CLCA1: variants seen among roughly 807,000 people sequenced by gnomAD.
CLCA1 encodes calcium-activated chloride channel regulator 1.
In CLCA1, 59 loss-of-function variants were observed where a neutral mutation model predicts 85.6. The ratio of observed to expected loss-of-function variants is 0.69; its 90% CI spans 0.56 to 0.86. The LOEUF (loss-of-function observed/expected upper bound fraction) is 0.86. Ranked by LOEUF, CLCA1 falls within the 40% of genes least tolerant of loss-of-function variation. CLCA1 has a pLI of 0.00. For synonymous variants in CLCA1, 396 were observed against 398.3 expected, an observed-to-expected ratio of 0.99 and a Z score of 0.07; for missense variants, 1,022 against 1,101.4, an observed-to-expected ratio of 0.93 and a Z score of 1.02.
rs558058956 is a variant in CLCA1 at position 86,488,160 on chromosome 1, A to G, written c.1183-836A>G. Among the ~76,000 whole-genome samples, 147 of 152,320 alleles carry G rather than the reference A, an allele frequency of 9.7e-4. 2 individuals are homozygous for G. The highest frequency in any genetic ancestry group is 3.4e-3 in the African/African-American group (141 of 41,576). ...TTCTGAGATTCTAGGCCTTTGGAAGATGCCTTCTTATCTGAGATTCTAGGC... is the reference window on the plus strand; with the variant it reads ...TTCTGAGATTCTAGGCCTTTGGAAGGTGCCTTCTTATCTGAGATTCTAGGC... On this transcript the variant is annotated intron_variant, in intron 7 of 13. Coordinates refer to ENST00000394711, the MANE Select transcript of CLCA1 (RefSeq NM_001285.4).
chr1:86,491,409 A>G (rs1648131005), intron 9 of CLCA1, 38 bp downstream of exon 9: 1 of 1,380,816 alleles, frequency 7.2e-7, no homozygotes, highest in South Asian at 1.2e-5. Context: ...ATATTTACAC[A>G]TAATCATAGC....
At chr1:86,493,953 G>C (rs2101746451) in intron 10 of CLCA1, among the ~76,000 whole-genome samples, 1 of 152,162 alleles carries the variant, frequency 6.6e-6, no homozygotes, top group South Asian at 2.1e-4. Flanking sequence ...ATAGCTTTCA[G>C]ACCTCACCAT....
chr1:86,487,228 T>C (rs5744371), intron 7 of CLCA1, among the ~76,000 whole-genome samples: 5,290 of 152,206 alleles, frequency 0.035, 297 homozygotes, highest in African/African-American at 0.12. Flanking sequence ...CGTGCATCTG[T>C]GTTTTATTAC....
rs766124081 is a variant in CLCA1, at chr1:86,482,358, A to G, written c.711A>G (p.Ile237Met). 12 of 1,613,900 alleles carry G rather than the reference A, an allele frequency of 7.4e-6. No individual in the cohort carries two copies. The highest frequency in any genetic ancestry group is 9.3e-6 in the Non-Finnish European group (11 of 1,179,946). The change falls in exon 5 of 14, where the codon ATA becomes ATG. Residue 237 changes from isoleucine to methionine, a missense_variant. Physicochemically the swap from Ile to Met is conservative, Grantham distance 10 (BLOSUM62 1). Transcript: ENST00000394711. The part of the protein sequence containing the change: ...LQSRQTEKAS[I>M]MFAQHVDSIV... ...CCCGCCAGACGGAGAAGGCTTCTAT[A>G]ATGTTTGCACAACATGTTGATTCTG...
At chr1:86,486,474 A>G in intron 6 of CLCA1, 52 bp from the exon 7 acceptor site, 1 of 1,540,434 alleles carries the variant, frequency 6.5e-7, no homozygotes, top group Non-Finnish European at 8.9e-7. Context: ...CTTTTCTGTT[A>G]TTAGTCTTTC....
At chr1:86,499,109 G>T (rs1648384669) in intron 13 of CLCA1, among the ~76,000 whole-genome samples, 1 of 152,196 alleles carries the variant, frequency 6.6e-6, no homozygotes, top group Non-Finnish European at 1.5e-5. Flanking sequence ...GTGACTCCTG[G>T]GGAAGAACTG....
chr1:86,486,660 C>G lies in CLCA1; in HGVS notation c.1089C>G (p.Asn363Lys), dbSNP rs1339102611. 1.2e-6 allele frequency: 2 copies of G among 1,614,062 alleles called. No individual in the cohort carries two copies. Among genetic ancestry groups the G allele is most frequent in the Non-Finnish European group, 1.7e-6 (2 of 1,180,032 alleles). Reference protein sequence around the residue: ...AHVQNELIQINSGSDRDTLAK... With the variant: ...AHVQNELIQIKSGSDRDTLAK... ...TACAAAATGAACTCATACAGATAAA[C>G]AGTGGCAGTGACAGGGACACACTCG... Residue 363 changes from asparagine (N) to lysine (K), a missense_variant, in exon 7 of 14, where the codon AAC (asparagine) becomes AAG (lysine). Coordinates refer to ENST00000394711, the MANE Select transcript of CLCA1 (RefSeq NM_001285.4).
Position 86,473,571 on chromosome 1 carries a change from GTTC to G in CLCA1, c.303+20_303+22del, listed in dbSNP as rs759823700. ...ACCTACAAAAATGTGAGAATATCAAGTTCTTCTTTAAAATTCCACTTTCTCCTG... is the reference window on the plus strand; with the variant it reads ...ACCTACAAAAATGTGAGAATATCAAGTTCTTTAAAATTCCACTTTCTCCTG... On this transcript the variant is annotated intron_variant, in intron 2 of 13. Coordinates refer to ENST00000394711, the MANE Select transcript of CLCA1 (RefSeq NM_001285.4). 29 of 1,569,816 alleles carry G rather than the reference GTTC, an allele frequency of 1.8e-5. No homozygotes were observed. Among genetic ancestry groups the G allele is most frequent in the Non-Finnish European group, 2.3e-5 (26 of 1,154,394 alleles).
chr1:86,476,850 A>T (rs775777131), intron 4 of CLCA1, among the ~76,000 whole-genome samples: 1 of 152,076 alleles, frequency 6.6e-6, no homozygotes, highest in Non-Finnish European at 1.5e-5. Context: ...ATCATCCCAT[A>T]CCAGCATCAG....
At position 86,494,396 on chromosome 1, in the gene CLCA1, T is replaced by G; in HGVS notation, c.1890T>G (p.Ile630Met). ...PILRASVTALIESVNGKTVTL... is the reference protein window; with the variant it reads ...PILRASVTALMESVNGKTVTL... ...TCAGGGCCAGTGTCACAGCCCTGAT[T>G]GAATCAGTGAATGGAAAAACAGTTA... is the stretch of plus-strand genomic sequence containing the variant. The change falls in exon 11 of 14, where the codon ATT becomes ATG. Residue 630 changes from isoleucine (I) to methionine (M), a missense_variant. Physicochemically the swap from Ile to Met is conservative, Grantham distance 10. Coordinates refer to ENST00000394711, the MANE Select transcript of CLCA1 (RefSeq NM_001285.4). The G allele has an allele frequency of 6.2e-7, 1 of 1,614,198 alleles. No individual in the cohort carries two copies. Among genetic ancestry groups the G allele is most frequent in the Non-Finnish European group, 8.5e-7 (1 of 1,180,002 alleles).
At position 86,495,590 on chromosome 1, in the gene CLCA1, G is replaced by A. The variant is rs1303320730; in HGVS notation, c.2028G>A (p.Arg676=). The change falls in exon 12 of 14, where the codon CGG becomes CGA. Residue 676 remains arginine, a synonymous_variant. Transcript: ENST00000394711. ...DTNGRYSVKV[R]ALGGVNAARR... ...ATGGTAGATACAGTGTAAAAGTGCG[G>A]GCTCTGGGAGGAGTTAACGCAGCCA... is the stretch of plus-strand genomic sequence containing the variant. 8 of 1,614,114 alleles carry A rather than the reference G, an allele frequency of 5.0e-6. No homozygotes were observed. Among genetic ancestry groups the A allele is most frequent in the Non-Finnish European group, 5.9e-6 (7 of 1,179,990 alleles).
At chr1:86,486,483 T>C in intron 6 of CLCA1, 43 bp from the exon 7 acceptor site, 1 of 1,572,104 alleles carries the variant, frequency 6.4e-7, no homozygotes, top group Non-Finnish European at 8.7e-7. Context: ...TATTAGTCTT[T>C]CCATCTAAAC....
chr1:86,468,941 A>G lies in CLCA1; in HGVS notation c.-31A>G. 1 of 1,564,998 alleles carries G rather than the reference A, an allele frequency of 6.4e-7. No individual in the cohort carries two copies. Among genetic ancestry groups the G allele is most frequent in the South Asian group, 1.2e-5 (1 of 83,266 alleles). On this transcript the variant is annotated 5_prime_UTR_variant, in exon 1 of 14. Transcript: ENST00000394711. ...GACACCTTCGTAACCCGCATTTTCC[A>G]AAGAGAGAAATCACAGGGAGATGTA...
Position 86,498,581 on chromosome 1 carries a change from A to G in CLCA1, c.2123A>G (p.Gln708Arg), listed in dbSNP as rs528122632. 18 of 1,613,454 alleles carry G rather than the reference A, an allele frequency of 1.1e-5. No homozygotes were observed. The South Asian group carries it at 1.8e-4, about 16-fold the overall frequency. The stretch of plus-strand genomic sequence containing the variant: ...TATTTTTTTAATGCAGATGAAATAC[A>G]ATGGAATCCACCAAGACCTGAAATT... ...IPGWIENDEI[Q>R]WNPPRPEINK... Residue 708 changes from glutamine to arginine, a missense_variant, in exon 13 of 14, where the codon CAA (glutamine) becomes CGA (arginine). By Grantham distance (43) the Gln-to-Arg change is conservative. Coordinates refer to ENST00000394711, the MANE Select transcript of CLCA1 (RefSeq NM_001285.4).
In CLCA1 at chr1:86,500,153, G is replaced by GTA. The variant is rs1159049711; in HGVS notation, c.*113_*114dup. The stretch of plus-strand genomic sequence containing the variant: ...TCCTGTAGGGGGCGATATACTAAAT[G>GTA]TATATAGTACATTTATACTAAATGT... On this transcript the variant is annotated 3_prime_UTR_variant, in exon 14 of 14. Transcript: ENST00000394711. 3.0e-6 allele frequency: 2 copies of GTA among 671,124 alleles called. No individual in the cohort carries two copies. Among genetic ancestry groups the GTA allele is most frequent in the Non-Finnish European group, 5.1e-6 (2 of 390,810 alleles). 41.6% of individuals were successfully genotyped at this position (671,124 alleles called of 1,614,324 possible). A position where few individuals can be genotyped will look rare whatever the true frequency, so the allele number is the denominator to read the frequency against.
intron 4 of CLCA1, among the ~76,000 whole-genome samples, chr1:86,478,487 C>T (rs1445755080): frequency 3.3e-5 from 5 of 152,120 alleles, no homozygotes; most frequent in African/African-American, 1.2e-4. Flanking sequence ...TAGAGCCATG[C>T]ACAGCCTTCC....
chr1:86,496,817 C>T (rs1648301600), intron 12 of CLCA1, among the ~76,000 whole-genome samples: 1 of 152,206 alleles, frequency 6.6e-6, no homozygotes. Context: ...GCAACCTCCA[C>T]CTCCCGGGTC....
At position 86,499,713 on chromosome 1, in the gene CLCA1, G is replaced by A. The variant is rs756034884; in HGVS notation, c.2413G>A (p.Glu805Lys). ...TCTTGATCTCAGAGACAAGTTCAAT[G>A]AATCTCTTCAAGTGAATACTACTGC... ...SILDLRDKFN[E>K]SLQVNTTALI... Residue 805 changes from glutamate to lysine, a missense_variant, in exon 14 of 14, where the codon GAA becomes AAA. Glu to Lys is a moderately conservative substitution (Grantham distance 56). Transcript: ENST00000394711. 12 of 1,604,788 alleles carry A rather than the reference G, an allele frequency of 7.5e-6. No homozygotes were observed. The East Asian group carries it at 8.9e-5, about 12-fold the overall frequency.
chr1:86,469,110 GA>G lies in CLCA1; in HGVS notation c.142del (p.Thr48HisfsTer6), dbSNP rs1332776248. On this transcript the variant is annotated frameshift_variant, in exon 1 of 14. Transcript: ENST00000394711. LOFTEE classifies it high-confidence loss of function. ...AATCGACCCCAATGTGCCAGAAGATGAAACACTCATTCAACAAATAAAGGTA... is the reference window on the plus strand; with the variant it reads ...AATCGACCCCAATGTGCCAGAAGATGAACACTCATTCAACAAATAAAGGTA... Reference protein sequence around the residue: ...VAIDPNVPEDETLIQQIKDMV... With the variant: ...VAIDPNVPEDXTLIQQIKDMV... The G allele has an allele frequency of 1.2e-6, 2 of 1,606,450 alleles. No individual in the cohort carries two copies. The highest frequency in any genetic ancestry group is 1.7e-6 in the Non-Finnish European group (2 of 1,176,020).
Sources: gnomAD v4.1 joint callset for allele counts (sites outside exome capture counted in the v4.1 genomes callset) on GRCh38, gnomAD v4.1.1 for gene constraint, MANE v1.5 for transcripts, NCBI Gene and HGNC (gene_info 2026-07-23, HGNC 2026-07-21) for gene names.